Variants in SI observed in about 807,000 individuals in gnomAD.
SI encodes the protein sucrase-isomaltase.
SI carries 235 observed loss-of-function variants against 253.3 expected under a neutral mutation model. The ratio of observed to expected loss-of-function variants is 0.93; its 90% CI spans 0.83 to 1.03. The LOEUF (loss-of-function observed/expected upper bound fraction) is 1.03, where lower values mean the gene tolerates loss of function less well. Among genes scored for constraint, SI ranks in the 50% least tolerant of loss-of-function variants. The pLI, the probability that SI is intolerant of heterozygous loss-of-function variation, is 0.00. For missense variants in SI, 2,442 were observed against 2,211.1 expected (o/e 1.10, Z -2.09); for synonymous variants, 819 against 712.0 (o/e 1.15, Z -2.39).
At chr3:164,994,427 T>C in intron 40 of SI, 22 bp from the exon 41 acceptor site, 1 of 1,608,324 alleles carries the variant, frequency 6.2e-7, no homozygotes, top group Admixed American at 1.7e-5. Context: ...CAAAATAACA[T>C]AGTTATAAGC....
At chr3:165,005,706 G>C (rs962781177) in intron 37 of SI, among the ~76,000 whole-genome samples, 5 of 152,004 alleles carry the variant, frequency 3.3e-5, no homozygotes, top group African/African-American at 1.2e-4. Context: ...TATATGGCTG[G>C]TAAGTACCAC....
At chr3:165,028,922 T>C (rs1054437144) in intron 25 of SI, among the ~76,000 whole-genome samples, 3 of 151,090 alleles carry the variant, frequency 2.0e-5, no homozygotes, top group Admixed American at 1.3e-4. Flanking sequence ...AAGACAAACA[T>C]CTGGGACTTA....
intron 27 of SI, 60 bp from the exon 28 acceptor site, chr3:165,019,830 A>G: frequency 7.3e-7 from 1 of 1,368,714 alleles, no homozygotes; most frequent in South Asian, 1.2e-5. Context: ...AGTATCACAA[A>G]TAATAACGGT....
Position 165,033,405 on chromosome 3 carries a change from GA to G in SI, c.2554del (p.Ser852GlnfsTer7). Reference sequence around the variant, plus strand: ...AAAGAGAGTGCTTACATTAGAAACTGAAAATGTATATAATATGTAGTTGCCA... The same window carrying G: ...AAAGAGAGTGCTTACATTAGAAACTGAAATGTATATAATATGTAGTTGCCA... ...QNGNYILYTF[S>X]VSNNTLDIVC... is the part of the protein sequence containing the mutation. On this transcript the variant is annotated frameshift_variant, in exon 23 of 48. Coordinates refer to ENST00000264382, the MANE Select transcript of SI (RefSeq NM_001041.4). LOFTEE classifies it high-confidence loss of function. The G allele has an allele frequency of 6.4e-7, 1 of 1,557,768 alleles. No individual in the cohort carries two copies. Among genetic ancestry groups the G allele is most frequent in the Non-Finnish European group, 8.7e-7 (1 of 1,148,080 alleles).
chr3:165,033,372 A>G (rs1559999151), intron 23 of SI, 23 bp downstream of exon 23: 1 of 1,543,244 alleles, frequency 6.5e-7, no homozygotes, highest in Non-Finnish European at 8.8e-7. Context: ...GCATTTAAGT[A>G]TATGTACAAA....
At chr3:165,041,674 G>A (rs1407383473) in intron 17 of SI, among the ~76,000 whole-genome samples, 1 of 152,058 alleles carries the variant, frequency 6.6e-6, no homozygotes, top group African/African-American at 2.4e-5. Context: ...AATTTGTAGT[G>A]CAGCCTCTCT....
At chr3:165,041,184 C>A in intron 17 of SI, 90 bp from the exon 18 acceptor site, 1 of 1,130,144 alleles carries the variant, frequency 8.8e-7, no homozygotes, top group Non-Finnish European at 1.3e-6. Context: ...TTTAAAGCAA[C>A]TACATAAATT....
chr3:165,055,301 G>T lies in SI; in HGVS notation c.1405C>A (p.Pro469Thr). 1 of 1,547,992 alleles carries T rather than the reference G, an allele frequency of 6.5e-7. No homozygotes were observed. The highest frequency in any genetic ancestry group is 8.9e-7 in the Non-Finnish European group (1 of 1,121,430). ...GSTPIIGEVWPGLTVYPDFTN... is the reference protein window; with the variant it reads ...GSTPIIGEVWTGLTVYPDFTN... ...AAATCAGGGTATACTGTTAATCCTG[G>T]CCATACCTAGAAGAATAGATCATTC... The change falls in exon 13 of 48, where the codon CCA (proline) becomes ACA (threonine). Residue 469 changes from proline (P) to threonine (T), a missense_variant. By Grantham distance (38) the Pro-to-Thr change is conservative (BLOSUM62 -1). Transcript: ENST00000264382.
chr3:164,996,694 G>A, intron 39 of SI, 43 bp from the exon 40 acceptor site: 1 of 1,284,416 alleles, frequency 7.8e-7, no homozygotes, highest in Admixed American at 1.7e-5. Flanking sequence ...AATAGTTTAT[G>A]AATGTTTATA....
chr3:165,051,902 G>C (rs1285622970), intron 13 of SI, among the ~76,000 whole-genome samples: 3 of 151,782 alleles, frequency 2.0e-5, no homozygotes, highest in Non-Finnish European at 4.4e-5. Context: ...TTTATTGTAT[G>C]ACCATTTCAA....
intron 38 of SI, among the ~76,000 whole-genome samples, chr3:164,997,353 T>C (rs7636760): frequency 0.25 from 37,216 of 151,594 alleles, 7,793 homozygotes; most frequent in African/African-American, 0.57. Context: ...CACAAAAGTA[T>C]CTATTTCCCT....
chr3:164,980,851 T>G (rs2108105766), intron 47 of SI, among the ~76,000 whole-genome samples: 1 of 152,186 alleles, frequency 6.6e-6, no homozygotes, highest in Admixed American at 6.6e-5. Flanking sequence ...GTTGTGAGCT[T>G]AATTTTCGCC....
chr3:165,049,017 C>A, intron 15 of SI, 110 bp downstream of exon 15: 1 of 497,560 alleles, frequency 2.0e-6, no homozygotes, highest in Non-Finnish European at 3.6e-6. Flanking sequence ...AAAATATTAT[C>A]TTTCTTTTTT....
intron 17 of SI, 52 bp downstream of exon 17, chr3:165,043,007 A>T: frequency 9.3e-7 from 1 of 1,078,768 alleles, no homozygotes. Flanking sequence ...GTACATTAAT[A>T]AAAACTATGG....
chr3:165,075,820 A>G, intron 2 of SI, 75 bp downstream of exon 2: 1 of 903,304 alleles, frequency 1.1e-6, no homozygotes. Context: ...TTATTTTTTA[A>G]AACCTATAAC....
intron 44 of SI, among the ~76,000 whole-genome samples, chr3:164,988,949 G>T (rs1717568766): frequency 6.6e-6 from 1 of 152,014 alleles, no homozygotes; most frequent in South Asian, 2.1e-4. Context: ...ACAGAAATCT[G>T]GGATAGCCTT....
chr3:165,058,904 T>C, intron 12 of SI, 59 bp downstream of exon 12: 1 of 1,272,008 alleles, frequency 7.9e-7, no homozygotes, highest in Non-Finnish European at 1.1e-6. Flanking sequence ...CCACAGAAAC[T>C]TTATTATTTC....
In SI at chr3:165,067,458, G is replaced by C. The variant is rs146960446; in HGVS notation, c.517C>G (p.Pro173Ala). Residue 173 changes from proline (P) to alanine (A), a missense_variant, in exon 6 of 48, where the codon CCT becomes GCT. Physicochemically the swap from Pro to Ala is conservative, Grantham distance 27. Transcript: ENST00000264382. ...TDPNNRRYEVPHQYVKEFTGP... is the reference protein window; with the variant it reads ...TDPNNRRYEVAHQYVKEFTGP... ...GTAAACTCTTTTACATACTGATGAG[G>C]AACTTCATATCTTCTATTATTTGGA... 2.3e-3 allele frequency: 3,781 copies of C among 1,610,858 alleles called. 70 individuals are homozygous for C. The African/African-American group carries it at 0.044, about 19-fold the overall frequency.
chr3:165,023,614 G>A lies in SI; in HGVS notation c.3055C>T (p.Arg1019Cys), dbSNP rs756776020. The A allele has an allele frequency of 1.5e-5, 24 of 1,610,530 alleles. No homozygotes were observed. Among genetic ancestry groups the A allele is most frequent in the Non-Finnish European group, 1.9e-5 (22 of 1,177,830 alleles). Reference protein sequence around the residue: ...KLPSDPISTLRVEVKYHKNDM... With the variant: ...KLPSDPISTLCVEVKYHKNDM... Reference sequence around the variant, plus strand: ...TTTTTGTGATATTTCACCTCCACACGAAGAGTTGAGATGGGGTCAGAAGGT... The same window carrying A: ...TTTTTGTGATATTTCACCTCCACACAAAGAGTTGAGATGGGGTCAGAAGGT... Residue 1019 changes from arginine (R) to cysteine (C), a missense_variant, in exon 26 of 48, where the codon CGT (arginine) becomes TGT (cysteine). Transcript: ENST00000264382.
Sources: gnomAD v4.1 joint callset for allele counts (sites outside exome capture counted in the v4.1 genomes callset) on GRCh38, gnomAD v4.1.1 for gene constraint, MANE v1.5 for transcripts, NCBI Gene and HGNC (gene_info 2026-07-23, HGNC 2026-07-21) for gene names.